ABCC4: variants seen among roughly 807,000 people sequenced by gnomAD.
ABCC4 encodes ATP binding cassette subfamily C member 4 (PEL blood group), also known as ATP-binding cassette sub-family C member 4.
Under a neutral mutation model 168.5 loss-of-function variants are expected in ABCC4, and 102 were observed. The observed-to-expected ratio is 0.61, with a 90% CI of 0.52 to 0.71. ABCC4 has a LOEUF of 0.71. Ranked by LOEUF, ABCC4 falls within the 30% of genes least tolerant of loss-of-function variation. The probability of loss-of-function intolerance (pLI) is 0.00; values close to 1 mark genes in which losing one functional copy is unlikely to be tolerated. For missense variants in ABCC4, 1,402 were observed against 1,605.8 expected (o/e 0.87, Z 2.17); for synonymous variants, 617 against 590.7 (o/e 1.04, Z -0.65).
chr13:95,110,264 GC>G (rs2035157942), intron 20 of ABCC4, among the ~76,000 whole-genome samples: 1 of 138,310 alleles, frequency 7.2e-6, no homozygotes, highest in Non-Finnish European at 1.5e-5. Context: ...AGCCAAGATC[GC>G]CCCACTGCAC....
chr13:95,073,149 T>A, intron 24 of ABCC4, 55 bp downstream of exon 24: 1 of 1,406,520 alleles, frequency 7.1e-7, no homozygotes, highest in Non-Finnish European at 1.0e-6. Flanking sequence ...ATGGCTTTTA[T>A]ACCATTTAAT....
intron 19 of ABCC4, among the ~76,000 whole-genome samples, chr13:95,129,266 G>C (rs939327319): frequency 3.9e-5 from 6 of 152,168 alleles, no homozygotes; most frequent in African/African-American, 1.4e-4. Context: ...CATTGAAATT[G>C]AATAACCCAG....
Position 95,248,821 on chromosome 13 carries a change from C to T in ABCC4, c.75-1068G>A, listed in dbSNP as rs1243841033. On this transcript the variant is annotated intron_variant, in intron 1 of 30. Coordinates refer to ENST00000645237, the MANE Select transcript of ABCC4 (RefSeq NM_005845.5). Reference sequence around the variant, plus strand: ...CAGCACTTTAGGTGGCTGAGGTAGGCGGATCACTTGAGGCCAGAAGCTCGA... The same window carrying T: ...CAGCACTTTAGGTGGCTGAGGTAGGTGGATCACTTGAGGCCAGAAGCTCGA... Among the ~76,000 whole-genome samples the T allele has an allele frequency of 3.3e-5, 5 of 152,072 alleles. No individual in the cohort carries two copies. In the South Asian group the frequency reaches 6.2e-4, roughly 19 times the overall value.
intron 1 of ABCC4, among the ~76,000 whole-genome samples, chr13:95,288,071 T>G (rs1463159246): frequency 6.6e-6 from 1 of 151,990 alleles, no homozygotes. Flanking sequence ...AAATAAATAT[T>G]TTATAATGTA....
intron 19 of ABCC4, among the ~76,000 whole-genome samples, chr13:95,126,326 A>C (rs973691945): frequency 1.3e-4 from 20 of 152,308 alleles, no homozygotes; most frequent in African/African-American, 4.8e-4. Flanking sequence ...GCAGCAACGC[A>C]TATTTATACA....
At chr13:95,293,201 C>CA (rs1276224639) in intron 1 of ABCC4, among the ~76,000 whole-genome samples, 2 of 151,714 alleles carry the variant, frequency 1.3e-5, no homozygotes, top group African/African-American at 2.4e-5. Context: ...CTAACAACAA[C>CA]AAAAAAATTA....
Position 95,286,123 on chromosome 13 carries a change from C to CTTTTTT in ABCC4, c.74+15112_74+15117dup, listed in dbSNP as rs773328777. Among the ~76,000 whole-genome samples, 103 of 105,552 alleles carry CTTTTTT rather than the reference C, an allele frequency of 9.8e-4. 7 individuals are homozygous for CTTTTTT. Among genetic ancestry groups the CTTTTTT allele is most frequent in the African/African-American group, 3.1e-3 (96 of 30,534 alleles). 69.2% of individuals were successfully genotyped at this position (105,552 alleles called of 152,430 possible). A position where few individuals can be genotyped will look rare whatever the true frequency, so the allele number is the denominator to read the frequency against. ...GCTGTGAAACTGCTTTCCAGAAAAA[C>CTTTTTT]TTTTTTTTTTTTTTGAGACGGAGTC... On this transcript the variant is annotated intron_variant, in intron 1 of 30. Transcript: ENST00000645237.
At chr13:95,046,960 CTG>C (rs138680467) in intron 27 of ABCC4, among the ~76,000 whole-genome samples, 3,101 of 152,194 alleles carry the variant, frequency 0.02, 53 homozygotes, top group Non-Finnish European at 0.032. Flanking sequence ...AGGTAAATAA[CTG>C]TATTATGTCA....
At position 95,163,787 on chromosome 13, in the gene ABCC4, C is replaced by T. The variant is rs1029054163; in HGVS notation, c.2176-140G>A. The T allele has an allele frequency of 1.2e-5, 8 of 682,154 alleles. No individual in the cohort carries two copies. In the African/African-American group the frequency reaches 1.3e-4, roughly 11 times the overall value. 42.3% of individuals were successfully genotyped at this position (682,154 alleles called of 1,614,324 possible). A position where few individuals can be genotyped will look rare whatever the true frequency, so the allele number is the denominator to read the frequency against. ...TGGCTCATGCTTGTAAACCCCAGCA[C>T]TTTGGGAGGCTGAGGCAGGCGGATC... On this transcript the variant is annotated intron_variant, in intron 16 of 30. Coordinates refer to ENST00000645237, the MANE Select transcript of ABCC4 (RefSeq NM_005845.5).
intron 20 of ABCC4, among the ~76,000 whole-genome samples, chr13:95,114,865 G>A (rs775058385): frequency 2.0e-5 from 3 of 152,124 alleles, no homozygotes; most frequent in Non-Finnish European, 4.4e-5. Context: ...AAAAGCAGGG[G>A]TAGGGGGATC....
At chr13:95,260,515 TG>T (rs1163632952) in intron 1 of ABCC4, among the ~76,000 whole-genome samples, 5 of 152,062 alleles carry the variant, frequency 3.3e-5, no homozygotes, top group Non-Finnish European at 5.9e-5. Context: ...GTCAGGTACC[TG>T]GGAAGTTGGA....
intron 1 of ABCC4, among the ~76,000 whole-genome samples, chr13:95,263,780 G>A (rs1314356176): frequency 2.6e-5 from 4 of 151,206 alleles, no homozygotes; most frequent in South Asian, 2.1e-4. Flanking sequence ...CCGAGATCGT[G>A]CCACTGTACT....
intron 4 of ABCC4, among the ~76,000 whole-genome samples, chr13:95,219,672 T>C (rs1433758231): frequency 6.6e-6 from 1 of 151,852 alleles, no homozygotes; most frequent in Non-Finnish European, 1.5e-5. Context: ...ACTTGGCTTT[T>C]TTGGAGGGTA....
chr13:95,156,194 C>T (rs2036847694), intron 19 of ABCC4, among the ~76,000 whole-genome samples: 1 of 152,146 alleles, frequency 6.6e-6, no homozygotes, highest in South Asian at 2.1e-4. Flanking sequence ...TCCAGGACAA[C>T]ATCAGAAAAA....
chr13:95,216,114 T>C (rs1176482911), intron 4 of ABCC4, among the ~76,000 whole-genome samples: 1 of 152,180 alleles, frequency 6.6e-6, no homozygotes, highest in East Asian at 1.9e-4. Flanking sequence ...AAAACAACTA[T>C]GAAGTAAGAA....
intron 19 of ABCC4, among the ~76,000 whole-genome samples, chr13:95,124,505 T>C (rs531766448): frequency 6.8e-6 from 1 of 147,690 alleles, no homozygotes; most frequent in East Asian, 2.0e-4. Flanking sequence ...TGCAGTGAGC[T>C]ATGATCACGC....
intron 25 of ABCC4, among the ~76,000 whole-genome samples, chr13:95,064,758 C>T (rs1228517316): frequency 1.3e-5 from 2 of 152,048 alleles, no homozygotes; most frequent in African/African-American, 4.8e-5. Context: ...GCACTCCAAA[C>T]TCAGGTGAGG....
At position 95,054,020 on chromosome 13, in the gene ABCC4, C is replaced by CT. The variant is rs1566375296; in HGVS notation, c.3367-837_3367-836insA. 6.1e-4 allele frequency: 45 copies of CT among 73,186 alleles called. 4 individuals are homozygous for CT. Among genetic ancestry groups the CT allele is most frequent in the Middle Eastern group, 9.1e-3 (1 of 110 alleles). 4.5% of individuals were successfully genotyped at this position (73,186 alleles called of 1,614,324 possible). ...TCTCTCCAATGTCAGAATGGGACAT[C>CT]CTTTTTTTTTTTTTTTTTTTTTTTT... On this transcript the variant is annotated intron_variant, in intron 26 of 30. Coordinates refer to ENST00000645237, the MANE Select transcript of ABCC4 (RefSeq NM_005845.5).
Position 95,237,971 on chromosome 13 carries a change from G to T in ABCC4, c.307-3137C>A, listed in dbSNP as rs185031759. Reference sequence around the variant, plus strand: ...GCACTTTGGGAGGCCGAGGTGGGCAGATCACTTGAGGTCAGGAGGTCAAGA... The same window carrying T: ...GCACTTTGGGAGGCCGAGGTGGGCATATCACTTGAGGTCAGGAGGTCAAGA... On this transcript the variant is annotated intron_variant, in intron 3 of 30. Coordinates refer to ENST00000645237, the MANE Select transcript of ABCC4 (RefSeq NM_005845.5). Among the ~76,000 whole-genome samples the T allele has an allele frequency of 1.3e-3, 196 of 152,144 alleles. 1 individual carries two copies. The highest frequency in any genetic ancestry group is 6.8e-3 in the Middle Eastern group (2 of 294).
Sources: gnomAD v4.1 joint callset for allele counts (sites outside exome capture counted in the v4.1 genomes callset) on GRCh38, gnomAD v4.1.1 for gene constraint, MANE v1.5 for transcripts, NCBI Gene and HGNC (gene_info 2026-07-23, HGNC 2026-07-21) for gene names.